The following SHISA6 variants were observed in gnomAD, a reference collection of about 807,000 sequenced individuals.
SHISA6 encodes the protein protein shisa-6.
In SHISA6, 22 loss-of-function variants were observed where a neutral mutation model predicts 47.9. The observed-to-expected ratio is 0.46, with a 90% confidence interval of 0.33 to 0.66. SHISA6 has a LOEUF of 0.66. Among genes scored for constraint, SHISA6 ranks in the 30% least tolerant of loss-of-function variants. SHISA6 has a pLI of 0.02. For missense variants in SHISA6, 680 were observed against 764.6 expected, an observed-to-expected ratio of 0.89 and a Z score of 1.30; for synonymous variants, 388 against 337.8, an observed-to-expected ratio of 1.15 and a Z score of -1.63.
intron 3 of SHISA6, among the ~76,000 whole-genome samples, chr17:11,514,050 G>A (rs781531435): frequency 6.6e-5 from 10 of 152,126 alleles, no homozygotes; most frequent in Non-Finnish European, 1.5e-4. Context: ...ACAGTCTGGT[G>A]CTCCATTTCC....
intron 3 of SHISA6, among the ~76,000 whole-genome samples, chr17:11,508,992 G>A (rs1426160165): frequency 2.3e-5 from 2 of 88,558 alleles, no homozygotes; most frequent in Non-Finnish European, 4.9e-5. Context: ...CCTGTGACAA[G>A]AGCTTGTATC....
At chr17:11,247,769 G>A (rs540678456) in intron 1 of SHISA6, among the ~76,000 whole-genome samples, 106 of 149,192 alleles carry the variant, frequency 7.1e-4, no homozygotes, top group Non-Finnish European at 1.3e-3. Context: ...CCTCTTTGGC[G>A]TCTTTCTTTT....
At chr17:11,296,844 T>TG (rs1210552222) in intron 2 of SHISA6, among the ~76,000 whole-genome samples, 1 of 152,054 alleles carries the variant, frequency 6.6e-6, no homozygotes, top group East Asian at 1.9e-4. Context: ...CAGGAGGTTG[T>TG]GGTGTCCCAG....
chr17:11,387,175 C>A (rs1913223600), intron 3 of SHISA6, among the ~76,000 whole-genome samples: 1 of 152,126 alleles, frequency 6.6e-6, no homozygotes, highest in South Asian at 2.1e-4. Flanking sequence ...CCTTTCCAGA[C>A]CCCACAGAAC....
intron 1 of SHISA6, among the ~76,000 whole-genome samples, chr17:11,252,269 C>T (rs999287321): frequency 3.9e-5 from 6 of 152,192 alleles, no homozygotes; most frequent in Admixed American, 1.3e-4. Context: ...CAAACACTCT[C>T]ATTATTCCTT....
At chr17:11,273,327 C>CA in intron 2 of SHISA6, among the ~76,000 whole-genome samples, 1 of 152,268 alleles carries the variant, frequency 6.6e-6, no homozygotes, top group South Asian at 2.1e-4. Context: ...GTTCTGAAGC[C>CA]GTGTGTCTAC....
At chr17:11,321,033 C>G (rs1910701275) in intron 2 of SHISA6, among the ~76,000 whole-genome samples, 2 of 152,228 alleles carry the variant, frequency 1.3e-5, no homozygotes, top group South Asian at 4.2e-4. Flanking sequence ...TACTTAATAT[C>G]ACATAAACAA....
At chr17:11,550,077 C>T (rs1280416410) in intron 3 of SHISA6, among the ~76,000 whole-genome samples, 2 of 151,084 alleles carry the variant, frequency 1.3e-5, no homozygotes, top group African/African-American at 4.9e-5. Flanking sequence ...TTTTCCGAGA[C>T]GAAGTTTTGC....
At chr17:11,350,170 A>ATTTT (rs1295741204) in intron 2 of SHISA6, among the ~76,000 whole-genome samples, 20 of 105,404 alleles carry the variant, frequency 1.9e-4, no homozygotes, top group African/African-American at 5.2e-4. Context: ...TTATTTATTT[A>ATTTT]TTTATTTATT....
intron 5 of SHISA6, among the ~76,000 whole-genome samples, chr17:11,557,467 CT>C (rs2071992750): frequency 6.6e-6 from 1 of 152,158 alleles, no homozygotes; most frequent in African/African-American, 2.4e-5. Flanking sequence ...GTACCAGAGG[CT>C]TTTAGCATTA....
At chr17:11,504,650 A>T (rs2071483220) in intron 3 of SHISA6, among the ~76,000 whole-genome samples, 2 of 152,234 alleles carry the variant, frequency 1.3e-5, no homozygotes, top group African/African-American at 2.4e-5. Context: ...TTACAACTTA[A>T]TCCAAGGACC....
chr17:11,314,774 AGGTGATCCACCCGC>A (rs1910450899), intron 2 of SHISA6, among the ~76,000 whole-genome samples: 1 of 151,998 alleles, frequency 6.6e-6, no homozygotes, highest in African/African-American at 2.4e-5. Flanking sequence ...TCCTGACCTC[AGGTGATCCACCCGC>A]CTCGGCCTCC....
intron 3 of SHISA6, among the ~76,000 whole-genome samples, chr17:11,551,679 G>A (rs967288962): frequency 2.0e-5 from 3 of 152,144 alleles, no homozygotes; most frequent in Non-Finnish European, 4.4e-5. Context: ...ATGTGGGTGG[G>A]TCACCATGGT....
intron 3 of SHISA6, among the ~76,000 whole-genome samples, chr17:11,518,633 C>T: frequency 6.6e-6 from 1 of 152,084 alleles, no homozygotes. Flanking sequence ...GACAGTCATC[C>T]TCAACCCATG....
chr17:11,393,235 A>G (rs1913448239), intron 3 of SHISA6, among the ~76,000 whole-genome samples: 1 of 152,170 alleles, frequency 6.6e-6, no homozygotes. Context: ...TTGCTCAAGC[A>G]GCACTCTACA....
chr17:11,241,926 C>T lies in SHISA6; in HGVS notation c.504C>T (p.Asp168=), dbSNP rs202149789. Reference sequence around the variant, plus strand: ...CGCCGGGGCCCGAGAACAAGTACGACCCGGAGAAGGACAAGACCAACTTCA... The same window carrying T: ...CGCCGGGGCCCGAGAACAAGTACGATCCGGAGAAGGACAAGACCAACTTCA... ...VVSPGPENKY[D]PEKDKTNFTV... is the part of the protein sequence containing the mutation. The change falls in exon 1 of 6, where the codon GAC becomes GAT. Residue 168 remains aspartate (D), a synonymous_variant. Transcript: ENST00000441885. The surrounding 1 kb of genome is among the most constrained non-coding windows in gnomAD (Gnocchi z 5.5). 1.0e-4 allele frequency: 162 copies of T among 1,551,042 alleles called. No homozygotes were observed. The highest frequency in any genetic ancestry group is 1.1e-4 in the Non-Finnish European group (126 of 1,147,030).
At chr17:11,457,454 G>A (rs546330502) in intron 3 of SHISA6, among the ~76,000 whole-genome samples, 73 of 152,114 alleles carry the variant, frequency 4.8e-4, no homozygotes, top group Non-Finnish European at 9.4e-4. Flanking sequence ...GAGATAGGCC[G>A]GGCACGGTGG....
chr17:11,336,756 CCTT>C (rs1911336090), intron 2 of SHISA6, among the ~76,000 whole-genome samples: 1 of 152,198 alleles, frequency 6.6e-6, no homozygotes, highest in Non-Finnish European at 1.5e-5. Flanking sequence ...TCTGTCCTGT[CCTT>C]CTCCAGTCGC....
intron 2 of SHISA6, among the ~76,000 whole-genome samples, chr17:11,348,038 C>T (rs1383081080): frequency 2.0e-5 from 3 of 152,176 alleles, no homozygotes; most frequent in African/African-American, 7.2e-5. Flanking sequence ...ATGCAAAATT[C>T]TATTTTGTTT....
Sources: gnomAD v4.1 joint callset for allele counts (sites outside exome capture counted in the v4.1 genomes callset) on GRCh38, gnomAD v4.1.1 for gene constraint, Gnocchi (gnomAD v3.1) non-coding constraint, MANE v1.5 for transcripts, NCBI Gene and HGNC (gene_info 2026-07-23, HGNC 2026-07-21) for gene names.